The following PHACTR4 variants were observed in gnomAD, a reference collection of about 807,000 sequenced individuals.
The protein encoded by PHACTR4 is protein phosphatase 1, regulatory subunit 124.
In PHACTR4, 51 loss-of-function variants were observed where a neutral mutation model predicts 72.7. The ratio of observed to expected loss-of-function variants is 0.70; its 90% CI spans 0.56 to 0.89. The LOEUF (loss-of-function observed/expected upper bound fraction) is 0.89, where lower values mean the gene tolerates loss of function less well. Among genes scored for constraint, PHACTR4 ranks in the 40% least tolerant of loss-of-function variants. The pLI, the probability that PHACTR4 is intolerant of heterozygous loss-of-function variation, is 0.00. For missense variants in PHACTR4, 731 were observed against 861.8 expected (o/e 0.85, Z 1.90); for synonymous variants, 255 against 302.5 (o/e 0.84, Z 1.63).
chr1:28,490,290 T>C (rs914683404), intron 10 of PHACTR4, among the ~76,000 whole-genome samples: 4 of 152,122 alleles, frequency 2.6e-5, no homozygotes, highest in Admixed American at 2.0e-4. Context: ...ATAAGAAATA[T>C]CTGGGCCGAG....
chr1:28,419,196 C>G (rs995085446), intron 2 of PHACTR4, among the ~76,000 whole-genome samples: 1 of 150,272 alleles, frequency 6.7e-6, no homozygotes, highest in Non-Finnish European at 1.5e-5. Context: ...GTCGGCCAGG[C>G]TGGTCTCGAA....
At chr1:28,413,045 C>G (rs901681238) in intron 2 of PHACTR4, among the ~76,000 whole-genome samples, 1 of 152,178 alleles carries the variant, frequency 6.6e-6, no homozygotes, top group Non-Finnish European at 1.5e-5. Context: ...GGAACAGTTT[C>G]ATCCCAAACC....
At chr1:28,456,519 A>G (rs1213031172) in intron 2 of PHACTR4, among the ~76,000 whole-genome samples, 1 of 151,926 alleles carries the variant, frequency 6.6e-6, no homozygotes, top group African/African-American at 2.4e-5. Context: ...GCTGGAGTGC[A>G]GTGGCACGAT....
At chr1:28,417,723 C>T (rs1478305818) in intron 2 of PHACTR4, among the ~76,000 whole-genome samples, 2 of 152,146 alleles carry the variant, frequency 1.3e-5, no homozygotes, top group African/African-American at 4.8e-5. Context: ...AGTGAAACCA[C>T]AGATAAGAGG....
chr1:28,421,212 T>G (rs896587812), intron 2 of PHACTR4, among the ~76,000 whole-genome samples: 9 of 152,174 alleles, frequency 5.9e-5, no homozygotes, highest in African/African-American at 1.9e-4. Context: ...TTTACAAGAT[T>G]ACTGTTTGAA....
At chr1:28,411,707 A>C (rs903023307) in intron 2 of PHACTR4, among the ~76,000 whole-genome samples, 1 of 152,218 alleles carries the variant, frequency 6.6e-6, no homozygotes, top group Non-Finnish European at 1.5e-5. Flanking sequence ...TACAGTGTAC[A>C]CGGCTTGGAT....
Position 28,465,844 on chromosome 1 carries a change from G to A in PHACTR4, c.431G>A (p.Arg144Gln), listed in dbSNP as rs767899135. The change falls in exon 5 of 14, where the codon CGA becomes CAA. Residue 144 changes from arginine (R) to glutamine (Q), a missense_variant. Arg to Gln is a conservative substitution (Grantham distance 43, BLOSUM62 1). This residue lies in a region of PHACTR4 where 621 missense variants were observed against 676.6 expected (regional missense o/e 0.92). Transcript: ENST00000373839. The part of the protein sequence containing the change: ...KAIPEEDLKK[R>Q]LGSTGSQPNS... The stretch of plus-strand genomic sequence containing the variant: ...ATTCCAGAAGAGGACCTAAAGAAAC[G>A]ACTAGGTAAGAAACTCTGGATTTTT... 9 of 1,606,176 alleles carry A rather than the reference G, an allele frequency of 5.6e-6. No homozygotes were observed. The highest frequency in any genetic ancestry group is 3.5e-5 in the Admixed American group (2 of 57,708).
chr1:28,418,052 T>TAA (rs1655223697), intron 2 of PHACTR4, among the ~76,000 whole-genome samples: 2 of 151,940 alleles, frequency 1.3e-5, no homozygotes, highest in African/African-American at 4.8e-5. Flanking sequence ...GTGGGAGGAT[T>TAA]GCTTGAGTCC....
At chr1:28,382,072 G>T (rs538360489) in intron 1 of PHACTR4, among the ~76,000 whole-genome samples, 133 of 151,978 alleles carry the variant, frequency 8.8e-4, no homozygotes, top group Non-Finnish European at 1.5e-3. Context: ...CCAGCCCTTT[G>T]CCTACTCTTT....
intron 4 of PHACTR4, among the ~76,000 whole-genome samples, chr1:28,462,753 G>A (rs1658905538): frequency 6.6e-6 from 1 of 152,180 alleles, no homozygotes; most frequent in Non-Finnish European, 1.5e-5. Flanking sequence ...ACGAGTTGCA[G>A]CCATTGGACA....
At chr1:28,376,219 A>C (rs1651654191) in intron 1 of PHACTR4, among the ~76,000 whole-genome samples, 1 of 151,550 alleles carries the variant, frequency 6.6e-6, no homozygotes, top group Admixed American at 6.6e-5. Context: ...AGGCTGAGGC[A>C]CAGGAATCAC....
intron 2 of PHACTR4, among the ~76,000 whole-genome samples, chr1:28,454,949 T>A (rs1390837359): frequency 6.6e-6 from 1 of 151,962 alleles, no homozygotes; most frequent in African/African-American, 2.4e-5. Context: ...AACCTCCACC[T>A]CCCGCATTCA....
At position 28,397,283 on chromosome 1, in the gene PHACTR4, T is replaced by C. The variant is rs1396704688; in HGVS notation, c.-38-10127T>C. 3.9e-5 allele frequency among the ~76,000 whole-genome samples: 6 copies of C among 152,202 alleles called. No homozygotes were observed. In the East Asian group the frequency reaches 9.6e-4, roughly 24 times the overall value. ...ATGAGATTCTCATTAAAGATGAGTATTATTAATCCCACTTGAATCCCCAAA... is the reference window on the plus strand; with the variant it reads ...ATGAGATTCTCATTAAAGATGAGTACTATTAATCCCACTTGAATCCCCAAA... On this transcript the variant is annotated intron_variant, in intron 1 of 13. Transcript: ENST00000373839.
At chr1:28,478,129 G>A (rs888554541) in intron 8 of PHACTR4, among the ~76,000 whole-genome samples, 1 of 151,946 alleles carries the variant, frequency 6.6e-6, no homozygotes, top group Non-Finnish European at 1.5e-5. Context: ...TAGCTCCCAC[G>A]TAAGAGTGAG....
intron 2 of PHACTR4, among the ~76,000 whole-genome samples, chr1:28,444,149 TTGTG>T (rs1657253133): frequency 6.6e-6 from 1 of 151,834 alleles, no homozygotes; most frequent in Non-Finnish European, 1.5e-5. Context: ...TGATACCTCA[TTGTG>T]GTTTTGATTT....
chr1:28,479,564 C>CA (rs1437622821), intron 8 of PHACTR4, among the ~76,000 whole-genome samples: 3 of 134,306 alleles, frequency 2.2e-5, no homozygotes, highest in East Asian at 2.3e-4. Context: ...ACCTGGGCAA[C>CA]AGAGCAAGAC....
chr1:28,487,724 G>GTTT lies in PHACTR4; in HGVS notation c.1761-1444_1761-1443insTTT, dbSNP rs1054105118. Among the ~76,000 whole-genome samples the GTTT allele has an allele frequency of 1.9e-3, 135 of 71,464 alleles. 10 individuals are homozygous for GTTT. Among genetic ancestry groups the GTTT allele is most frequent in the African/African-American group, 5.9e-3 (104 of 17,636 alleles). 46.9% of individuals were successfully genotyped at this position (71,464 alleles called of 152,430 possible). On this transcript the variant is annotated intron_variant, in intron 9 of 13. Transcript: ENST00000373839. Reference sequence around the variant, plus strand: ...CAAAAATGACAAATTGTAGTTTTTTGTTGTTTTTTTTTTTTTTTTTTTTTT... The same window carrying GTTT: ...CAAAAATGACAAATTGTAGTTTTTTGTTTTTGTTTTTTTTTTTTTTTTTTTTTT...
Position 28,391,476 on chromosome 1 carries a change from A to G in PHACTR4, c.-38-15934A>G, listed in dbSNP as rs895233148. ...AGCAGAGAATAAAATGGTGGTTACC[A>G]GGAGCTGGGTGGGAGTGGAGATTGG... On this transcript the variant is annotated intron_variant, in intron 1 of 13. Transcript: ENST00000373839. 1.3e-4 allele frequency among the ~76,000 whole-genome samples: 19 copies of G among 151,870 alleles called. 1 individual carries two copies. In the Middle Eastern group the frequency reaches 0.01, roughly 82 times the overall value.
chr1:28,396,361 G>A (rs1043852378), intron 1 of PHACTR4, among the ~76,000 whole-genome samples: 15 of 151,422 alleles, frequency 9.9e-5, no homozygotes, highest in Non-Finnish European at 1.9e-4. Context: ...GTGAAATCTC[G>A]TCTCTACAAA....
Sources: gnomAD v4.1 joint callset for allele counts (sites outside exome capture counted in the v4.1 genomes callset) on GRCh38, gnomAD v4.1.1 for gene constraint, gnomAD v4.1.1 regional missense constraint, MANE v1.5 for transcripts, NCBI Gene and HGNC (gene_info 2026-07-23, HGNC 2026-07-21) for gene names.